FAM13A: variants seen among roughly 807,000 people sequenced by gnomAD.
FAM13A encodes protein FAM13A.
FAM13A carries 76 observed loss-of-function variants against 129.6 expected under a neutral mutation model. The ratio of observed to expected loss-of-function variants is 0.59; its 90% CI spans 0.49 to 0.71. The LOEUF is 0.71. Among genes scored for constraint, FAM13A ranks in the 30% least tolerant of loss-of-function variants. FAM13A has a pLI of 0.00. For synonymous variants in FAM13A, 443 were observed against 449.9 expected, an observed-to-expected ratio of 0.98 and a Z score of 0.20; for missense variants, 1,108 against 1,249.3, an observed-to-expected ratio of 0.89 and a Z score of 1.70.
intron 4 of FAM13A, among the ~76,000 whole-genome samples, chr4:88,961,513 G>A (rs371012799): frequency 1.7e-4 from 26 of 151,806 alleles, no homozygotes; most frequent in African/African-American, 5.6e-4. Flanking sequence ...GACTACAGGC[G>A]TGCACCACAA....
intron 19 of FAM13A, among the ~76,000 whole-genome samples, chr4:88,745,116 C>T (rs538688820): frequency 6.6e-6 from 1 of 152,254 alleles, no homozygotes; most frequent in South Asian, 2.1e-4. Flanking sequence ...CCACCCCACC[C>T]CACTTCCTCA....
rs1579028279 is a variant in FAM13A, at chr4:88,867,294, GTCACATCACAGCCTTCTTGTGC to G, written c.844-16133_844-16112del. Among the ~76,000 whole-genome samples, 4 of 152,302 alleles carry G rather than the reference GTCACATCACAGCCTTCTTGTGC, an allele frequency of 2.6e-5. No individual in the cohort carries two copies. The South Asian group carries it at 8.3e-4, about 32-fold the overall frequency. On this transcript the variant is annotated intron_variant, in intron 6 of 23. Transcript: ENST00000264344. ...CCTGTCCTCCACTTATCCTCCGGAAGTCACATCACAGCCTTCTTGTGCTTTAGAAACATTAGACAGCCCTTCA... is the reference window on the plus strand; with the variant it reads ...CCTGTCCTCCACTTATCCTCCGGAAGTTTAGAAACATTAGACAGCCCTTCA...
intron 8 of FAM13A, 73 bp from the exon 9 acceptor site, chr4:88,790,700 G>C (rs895550056): frequency 1.8e-5 from 24 of 1,298,744 alleles, no homozygotes; most frequent in Non-Finnish European, 2.3e-5. Flanking sequence ...ATGTGAAGTG[G>C]ATCGCAGGCT....
intron 3 of FAM13A, among the ~76,000 whole-genome samples, chr4:88,994,063 T>C (rs1763247526): frequency 1.3e-5 from 2 of 152,036 alleles, no homozygotes; most frequent in South Asian, 4.1e-4. Context: ...CAAAAGTAAC[T>C]GAGAAATATC....
intron 8 of FAM13A, among the ~76,000 whole-genome samples, chr4:88,804,172 A>G (rs1728091714): frequency 6.6e-6 from 1 of 152,118 alleles, no homozygotes; most frequent in Admixed American, 6.5e-5. Context: ...AGAATTGCTT[A>G]AACCCGGGAG....
chr4:88,865,574 G>A (rs1740245548), intron 6 of FAM13A, among the ~76,000 whole-genome samples: 1 of 152,220 alleles, frequency 6.6e-6, no homozygotes, highest in Admixed American at 6.5e-5. Flanking sequence ...TAAAAACTCA[G>A]ATGTTTACAT....
At chr4:88,814,285 T>C (rs548353150) in intron 7 of FAM13A, among the ~76,000 whole-genome samples, 18 of 152,322 alleles carry the variant, frequency 1.2e-4, no homozygotes, top group African/African-American at 4.3e-4. Context: ...GTCTGGCAGA[T>C]TAGCTGAGGC....
chr4:88,838,722 G>C (rs1163089023), intron 7 of FAM13A, among the ~76,000 whole-genome samples: 1 of 97,808 alleles, frequency 1.0e-5, no homozygotes, highest in African/African-American at 4.8e-5. Flanking sequence ...GCAAGACTCC[G>C]TCTCAAAAAA....
Position 88,919,003 on chromosome 4 carries a change from T to C in FAM13A, c.760-12541A>G, listed in dbSNP as rs568901072. The stretch of plus-strand genomic sequence containing the variant: ...ACTGTACTGCAAAGTGAATGAGAAA[T>C]ACATTTTGATTGTCTTAAGCCACCA... On this transcript the variant is annotated intron_variant, in intron 5 of 23. Transcript: ENST00000264344. Among the ~76,000 whole-genome samples the C allele has an allele frequency of 3.9e-5, 6 of 152,328 alleles. No homozygotes were observed. In the South Asian group the frequency reaches 1.2e-3, roughly 32 times the overall value.
Position 89,057,176 on chromosome 4 carries a change from G to T in FAM13A, c.-212C>A. On this transcript the variant is annotated 5_prime_UTR_variant, in exon 1 of 24. Coordinates refer to ENST00000264344, the MANE Select transcript of FAM13A (RefSeq NM_014883.4). ...CTGAACCCACATGGCTGGAAGGACT[G>T]CCTGGAGTTGAAATTTGATCCACAG... 5 of 1,405,780 alleles carry T rather than the reference G, an allele frequency of 3.6e-6. No homozygotes were observed. Among genetic ancestry groups the T allele is most frequent in the East Asian group, 2.6e-5 (1 of 37,756 alleles). The allele number at this position is 1,405,780 out of a possible 1,614,324, so 87.1% of individuals were successfully genotyped here.
chr4:88,885,064 T>C (rs1399929320), intron 6 of FAM13A, among the ~76,000 whole-genome samples: 3 of 152,070 alleles, frequency 2.0e-5, no homozygotes, highest in African/African-American at 7.2e-5. Flanking sequence ...ATTGTGAAAA[T>C]GACCATACTG....
intron 6 of FAM13A, among the ~76,000 whole-genome samples, chr4:88,885,348 A>T (rs1446744018): frequency 2.0e-5 from 3 of 152,196 alleles, no homozygotes. Context: ...AGAACCCAGA[A>T]ATAATGCCAA....
At chr4:89,021,242 G>T (rs1161932184) in intron 2 of FAM13A, among the ~76,000 whole-genome samples, 2 of 152,194 alleles carry the variant, frequency 1.3e-5, no homozygotes, top group Non-Finnish European at 2.9e-5. Context: ...TATCAGAGAA[G>T]GCCTCCTGGA....
At chr4:88,888,424 C>T (rs1744791865) in intron 6 of FAM13A, among the ~76,000 whole-genome samples, 1 of 152,158 alleles carries the variant, frequency 6.6e-6, no homozygotes. Context: ...GAGGAAAAGA[C>T]AATGCTACTT....
At chr4:88,935,620 A>G (rs2609278) in intron 5 of FAM13A, among the ~76,000 whole-genome samples, 28,322 of 152,070 alleles carry the variant, frequency 0.19, 2,811 homozygotes, top group Non-Finnish European at 0.21. Context: ...GTATATTAAT[A>G]GTTTCATTCT....
intron 7 of FAM13A, among the ~76,000 whole-genome samples, chr4:88,832,551 C>A (rs959179519): frequency 6.6e-6 from 1 of 151,986 alleles, no homozygotes; most frequent in Non-Finnish European, 1.5e-5. Context: ...AAAAAACCAA[C>A]CCCATTAAAA....
intron 8 of FAM13A, among the ~76,000 whole-genome samples, chr4:88,799,674 T>G (rs1041294103): frequency 1.3e-5 from 2 of 152,098 alleles, no homozygotes; most frequent in East Asian, 3.9e-4. Flanking sequence ...TAGTAGAGAC[T>G]GGGTTTCACC....
At chr4:88,828,745 G>A (rs1335148633) in intron 7 of FAM13A, among the ~76,000 whole-genome samples, 2 of 151,956 alleles carry the variant, frequency 1.3e-5, no homozygotes, top group African/African-American at 2.4e-5. Context: ...TCTACTGTAG[G>A]GCTACACATA....
intron 6 of FAM13A, among the ~76,000 whole-genome samples, chr4:88,893,633 T>C (rs113401750): frequency 0.012 from 1,406 of 116,310 alleles, 27 homozygotes; most frequent in African/African-American, 0.046. Context: ...AATGAATGAA[T>C]GAATGAATGA....
Sources: allele counts gnomAD v4.1 joint callset (sites outside exome capture counted in the v4.1 genomes callset), GRCh38; gene constraint gnomAD v4.1.1; transcripts MANE v1.5; gene names NCBI Gene and HGNC (gene_info 2026-07-23, HGNC 2026-07-21).